PDE1C: variants seen among roughly 807,000 people sequenced by gnomAD.
PDE1C encodes the protein phosphodiesterase 1C, also known as dual specificity calcium/calmodulin-dependent 3',5'-cyclic nucleotide phosphodiesterase 1C.
In PDE1C, 62 loss-of-function variants were observed where a neutral mutation model predicts 93.1. The ratio of observed to expected loss-of-function variants is 0.67; its 90% confidence interval spans 0.54 to 0.82. PDE1C has a LOEUF of 0.82. Ranked by LOEUF, PDE1C falls within the 40% of genes least tolerant of loss-of-function variation. The pLI, the probability that PDE1C is intolerant of heterozygous loss-of-function variation, is 0.00. For missense variants in PDE1C, 742 were observed against 884.6 expected (o/e 0.84, Z 2.04); for synonymous variants, 325 against 310.1 (o/e 1.05, Z -0.50).
chr7:31,726,464 C>T, the PDE1C span, among the ~76,000 whole-genome samples: 1 of 152,096 alleles, frequency 6.6e-6, no homozygotes, highest in Non-Finnish European at 1.5e-5. Context: ...GGGGGCTGGC[C>T]AGGCATTCAC....
intron 1 of PDE1C, among the ~76,000 whole-genome samples, chr7:32,413,172 C>G (rs1392501546): frequency 6.6e-6 from 1 of 151,856 alleles, no homozygotes; most frequent in Non-Finnish European, 1.5e-5. Context: ...TGTGGGCTTA[C>G]GTAGGGGGGA....
chr7:31,630,600 G>T, the PDE1C span, among the ~76,000 whole-genome samples: 1 of 152,074 alleles, frequency 6.6e-6, no homozygotes, highest in Non-Finnish European at 1.5e-5. Flanking sequence ...GAACAACAGG[G>T]AAGATCTGCA....
At chr7:32,220,581 C>T (rs12539000) in intron 1 of PDE1C, among the ~76,000 whole-genome samples, 18,306 of 151,940 alleles carry the variant, frequency 0.12, 1,188 homozygotes, top group East Asian at 0.23. Flanking sequence ...TTTGGGAGGC[C>T]GAGGCGGGCG....
intron 2 of PDE1C, among the ~76,000 whole-genome samples, chr7:32,198,235 A>G (rs1188121409): frequency 1.3e-5 from 2 of 152,144 alleles, no homozygotes; most frequent in Non-Finnish European, 2.9e-5. Flanking sequence ...TCAATTTAAA[A>G]TTTCAGGTCA....
intron 1 of PDE1C, among the ~76,000 whole-genome samples, chr7:32,055,128 G>A (rs1388390612): frequency 2.0e-5 from 3 of 152,184 alleles, no homozygotes; most frequent in Non-Finnish European, 4.4e-5. Context: ...CATGGCAACT[G>A]CTCAATATGT....
chr7:32,035,253 C>T (rs926914488), intron 2 of PDE1C, among the ~76,000 whole-genome samples: 3 of 152,078 alleles, frequency 2.0e-5, no homozygotes, highest in Non-Finnish European at 4.4e-5. Flanking sequence ...AGATAAACTC[C>T]CCTACAACCA....
chr7:32,018,353 C>T (rs1324350063), intron 2 of PDE1C, among the ~76,000 whole-genome samples: 10 of 151,954 alleles, frequency 6.6e-5, no homozygotes, highest in Non-Finnish European at 8.8e-5. Flanking sequence ...CATACGTCTA[C>T]CCAAAAACTT....
At chr7:31,870,228 T>TA (rs1018076608) in intron 6 of PDE1C, among the ~76,000 whole-genome samples, 4 of 151,388 alleles carry the variant, frequency 2.6e-5, no homozygotes, top group African/African-American at 7.3e-5. Context: ...CTGAAATTAG[T>TA]AAAAAAACAA....
intron 1 of PDE1C, among the ~76,000 whole-genome samples, chr7:32,281,645 C>T (rs1811636369): frequency 6.6e-6 from 1 of 152,152 alleles, no homozygotes; most frequent in South Asian, 2.1e-4. Flanking sequence ...CAGCAATGTG[C>T]TACTTATAAA....
the PDE1C span, chr7:31,643,255 A>G: frequency 8.1e-6 from 13 of 1,613,766 alleles, no homozygotes; most frequent in Non-Finnish European, 1.1e-5. Context: ...CTGTCCTCAC[A>G]CCAACCACAG....
chr7:31,753,130 C>T lies in PDE1C; in HGVS notation c.*254G>A. The T allele has an allele frequency of 7.3e-6, 2 of 273,266 alleles. No homozygotes were observed. Among genetic ancestry groups the T allele is most frequent in the Non-Finnish European group, 1.4e-5 (2 of 147,466 alleles). The allele number at this position is 273,266 out of a possible 1,614,324, so 16.9% of individuals were successfully genotyped here. ...CAATTTAGACTTTTAGAGACTTATA[C>T]CATAAAAACACCCCTCTTGCTAGTT... On this transcript the variant is annotated 3_prime_UTR_variant, in exon 18 of 18. Transcript: ENST00000396191.
At chr7:31,833,299 T>A (rs1294898028) in intron 11 of PDE1C, among the ~76,000 whole-genome samples, 1 of 152,156 alleles carries the variant, frequency 6.6e-6, no homozygotes, top group Admixed American at 6.6e-5. Context: ...AATTACCCAG[T>A]CTTGGGTATT....
intron 1 of PDE1C, among the ~76,000 whole-genome samples, chr7:32,289,231 C>A (rs1812190172): frequency 1.3e-5 from 2 of 152,036 alleles, no homozygotes; most frequent in African/African-American, 4.8e-5. Context: ...ATAGTGAGAG[C>A]CCATCTCTAG....
At chr7:32,128,944 T>TATATATAG (rs1799755886) in intron 3 of PDE1C, among the ~76,000 whole-genome samples, 2 of 74,782 alleles carry the variant, frequency 2.7e-5, no homozygotes, top group Non-Finnish European at 5.7e-5. Context: ...TATATATATA[T>TATATATAG]ATATATATAA....
At chr7:32,277,310 A>T (rs1049925356) in intron 1 of PDE1C, among the ~76,000 whole-genome samples, 2 of 152,218 alleles carry the variant, frequency 1.3e-5, no homozygotes, top group Non-Finnish European at 2.9e-5. Flanking sequence ...GCAACATATG[A>T]CACTACTCAT....
chr7:32,128,519 T>C (rs933091982), intron 3 of PDE1C, among the ~76,000 whole-genome samples: 15 of 152,000 alleles, frequency 9.9e-5, no homozygotes, highest in African/African-American at 3.6e-4. Context: ...AAGAAGAAAT[T>C]CAAATGGTCT....
chr7:31,844,996 T>C (rs34240100), intron 9 of PDE1C, among the ~76,000 whole-genome samples: 1 of 152,108 alleles, frequency 6.6e-6, no homozygotes, highest in Admixed American at 6.6e-5. Flanking sequence ...CTAAACTTTG[T>C]TTTTAATTTA....
Position 31,983,107 on chromosome 7 carries a change from C to T in PDE1C, c.128+68447G>A, listed in dbSNP as rs532769742. On this transcript the variant is annotated intron_variant, in intron 2 of 17. Transcript: ENST00000396191. ...CAATTAAAATATTCTAAACCCATCC[C>T]CCTCTCCATGTAACTATCCTTGTCA... Among the ~76,000 whole-genome samples the T allele has an allele frequency of 1.2e-4, 18 of 152,280 alleles. No homozygotes were observed. In the South Asian group the frequency reaches 1.7e-3, roughly 14 times the overall value.
the PDE1C span, among the ~76,000 whole-genome samples, chr7:31,745,489 T>A: frequency 6.6e-6 from 1 of 152,190 alleles, no homozygotes; most frequent in African/African-American, 2.4e-5. Flanking sequence ...TGTGGGAGAA[T>A]GATTTAAGTG....
Sources: allele counts gnomAD v4.1 joint callset (sites outside exome capture counted in the v4.1 genomes callset), GRCh38; gene constraint gnomAD v4.1.1; transcripts MANE v1.5; gene names NCBI Gene and HGNC (gene_info 2026-07-23, HGNC 2026-07-21).